Variants in CACNA1C observed in about 807,000 individuals in gnomAD.
CACNA1C encodes the protein calcium voltage-gated channel subunit alpha1 C, also known as voltage-dependent L-type calcium channel subunit alpha-1C.
Under a neutral mutation model 229.0 loss-of-function variants are expected in CACNA1C, and 30 were observed. The observed-to-expected ratio is 0.13, with a 90% CI of 0.10 to 0.18. CACNA1C has a LOEUF of 0.18. CACNA1C is among the 10% of genes least tolerant of loss of function. The pLI is 1.00. For missense variants in CACNA1C, 1,658 were observed against 2,845.0 expected (o/e 0.58, Z 9.49); for synonymous variants, 1,114 against 1,132.5 (o/e 0.98, Z 0.33).
At chr12:2,547,493 T>G (rs1409930540) in intron 9 of CACNA1C, 1 of 779,778 alleles carries the variant, frequency 1.3e-6, no homozygotes, top group East Asian at 2.4e-5. Flanking sequence ...AAGGGAAGTT[T>G]GCTTGGTTTA....
intron 43 of CACNA1C, among the ~76,000 whole-genome samples, chr12:2,685,174 G>C (rs2097383795): frequency 6.6e-6 from 1 of 152,000 alleles, no homozygotes; most frequent in Admixed American, 6.6e-5. Context: ...TTCTCATCGA[G>C]TTTCCATCAA....
chr12:2,161,671 G>C (rs2095863186), intron 3 of CACNA1C, among the ~76,000 whole-genome samples: 1 of 152,240 alleles, frequency 6.6e-6, no homozygotes, highest in African/African-American at 2.4e-5. Flanking sequence ...CAGCCAAACT[G>C]ACGGTGCTGT....
At position 2,694,275 on chromosome 12, in the gene CACNA1C, C is replaced by A. The variant is rs2097819889; in HGVS notation, c.*3076C>A. 6.6e-6 allele frequency: 1 copy of A among 152,268 alleles called. No homozygotes were observed. Among genetic ancestry groups the A allele is most frequent in the Non-Finnish European group, 1.5e-5 (1 of 68,060 alleles). The allele number at this position is 152,268 out of a possible 1,614,324, so 9.4% of individuals were successfully genotyped here. A position where few individuals can be genotyped will look rare whatever the true frequency, so the allele number is the denominator to read the frequency against. The stretch of plus-strand genomic sequence containing the variant: ...AGCACAATCTTCCAAGTGATGTCTA[C>A]TCTCCACCTAAAATGGAATTTTCCC... On this transcript the variant is annotated 3_prime_UTR_variant, in exon 47 of 47. Coordinates refer to ENST00000399655, the MANE Select transcript of CACNA1C (RefSeq NM_000719.7).
At chr12:2,014,783 T>A (rs192055743) in intron 1 of CACNA1C, among the ~76,000 whole-genome samples, 95 of 152,304 alleles carry the variant, frequency 6.2e-4, no homozygotes, top group African/African-American at 2.2e-3. Flanking sequence ...ACTTTTCTGG[T>A]TGGCTTGAGC....
upstream of CACNA1C, among the ~76,000 whole-genome samples, chr12:2,049,850 G>C (rs552630970): frequency 3.3e-5 from 5 of 152,268 alleles, no homozygotes; most frequent in South Asian, 8.3e-4. Flanking sequence ...TTGTTACCTC[G>C]AAAGAGCACA....
At chr12:2,052,894 C>T (rs946827049), upstream of CACNA1C, 116 of 661,814 alleles carry the variant, frequency 1.8e-4, 1 homozygote, top group African/African-American at 2.7e-3. Flanking sequence ...TCCGGCGCGC[C>T]GGGCGGGCGG....
At chr12:2,420,102 G>GGTGTGTGCGTGTGTGT (rs1555546910) in intron 3 of CACNA1C, among the ~76,000 whole-genome samples, 1 of 125,430 alleles carries the variant, frequency 8.0e-6, no homozygotes, top group African/African-American at 3.5e-5. Flanking sequence ...TAGGCAAAAT[G>GGTGTGTGCGTGTGTGT]GTGTGTGTGT....
At chr12:2,140,360 A>C (rs1409077670) in intron 3 of CACNA1C, among the ~76,000 whole-genome samples, 2 of 151,494 alleles carry the variant, frequency 1.3e-5, no homozygotes, top group African/African-American at 2.4e-5. Context: ...GTCTGTTCTT[A>C]ACACAGTTCC....
intron 3 of CACNA1C, among the ~76,000 whole-genome samples, chr12:2,279,511 A>C (rs1380752507): frequency 1.3e-5 from 2 of 152,244 alleles, no homozygotes; most frequent in East Asian, 3.8e-4. Context: ...AGGTGCATGA[A>C]CATTTAGGAT....
At chr12:2,659,428 C>T (rs140086762) in intron 34 of CACNA1C, among the ~76,000 whole-genome samples, 88 of 152,276 alleles carry the variant, frequency 5.8e-4, no homozygotes, top group African/African-American at 1.8e-3. Context: ...GTAATAGCTA[C>T]GGCATCTAGG....
intron 3 of CACNA1C, among the ~76,000 whole-genome samples, chr12:2,394,034 G>A (rs1379704173): frequency 1.3e-5 from 2 of 152,010 alleles, no homozygotes; most frequent in East Asian, 1.9e-4. Context: ...GAGCCTAGGA[G>A]GTCGAGGCTG....
At chr12:2,426,207 T>C (rs531291695) in intron 3 of CACNA1C, among the ~76,000 whole-genome samples, 3 of 152,228 alleles carry the variant, frequency 2.0e-5, no homozygotes, top group Admixed American at 6.5e-5. Context: ...AAATACTGGG[T>C]TAAAAACTGG....
intron 3 of CACNA1C, among the ~76,000 whole-genome samples, chr12:2,394,440 C>T (rs1196460119): frequency 2.0e-5 from 3 of 152,254 alleles, no homozygotes; most frequent in Admixed American, 6.5e-5. Context: ...CCACCTTCCC[C>T]TGCAAGTATA....
chr12:2,053,322 A>G lies in CACNA1C; in HGVS notation c.-241A>G. 1.6e-6 allele frequency: 2 copies of G among 1,265,478 alleles called. No individual in the cohort carries two copies. The highest frequency in any genetic ancestry group is 2.4e-5 in the South Asian group (1 of 41,048). 78.4% of individuals were successfully genotyped at this position (1,265,478 alleles called of 1,614,324 possible). ...TGGAAGGGGCCCGGATGTACTGAGG[A>G]TGCGTTACAGTTTCACTCGAGGAGG... On this transcript the variant is annotated 5_prime_UTR_variant, in exon 1 of 47. The change abolishes an upstream ATG in the 5' untranslated region. Coordinates refer to ENST00000399655, the MANE Select transcript of CACNA1C (RefSeq NM_000719.7). This position sits in a 1 kb window ranked among gnomAD's most constrained non-coding sequence, Gnocchi z 5.8.
At chr12:2,664,443 GA>G (rs2095957587) in intron 34 of CACNA1C, among the ~76,000 whole-genome samples, 1 of 152,236 alleles carries the variant, frequency 6.6e-6, no homozygotes, top group African/African-American at 2.4e-5. Context: ...AAGAAAAAAT[GA>G]AAAACCTAAA....
intron 3 of CACNA1C, among the ~76,000 whole-genome samples, chr12:2,332,119 A>G (rs961810231): frequency 6.6e-6 from 1 of 152,252 alleles, no homozygotes; most frequent in African/African-American, 2.4e-5. Flanking sequence ...GTATTTAGGC[A>G]TAAAGGACAT....
At chr12:2,593,399 GC>G in intron 19 of CACNA1C, 54 bp downstream of exon 19, 2 of 1,593,310 alleles carry the variant, frequency 1.3e-6, no homozygotes, top group Non-Finnish European at 1.7e-6. Context: ...TACCAGCCTG[GC>G]AGTTGCCTGT....
At chr12:2,482,091 C>G (rs1340118702) in intron 5 of CACNA1C, among the ~76,000 whole-genome samples, 2 of 152,250 alleles carry the variant, frequency 1.3e-5, no homozygotes, top group Non-Finnish European at 2.9e-5. Flanking sequence ...GAGAGCCAAA[C>G]TCTACATGGC....
intron 1 of CACNA1C, among the ~76,000 whole-genome samples, chr12:1,980,297 C>T (rs1210750469): frequency 1.3e-5 from 2 of 152,172 alleles, no homozygotes; most frequent in African/African-American, 4.8e-5. Flanking sequence ...CAAGAAACTA[C>T]GGCTACATGC....
Sources: allele counts gnomAD v4.1 joint callset (sites outside exome capture counted in the v4.1 genomes callset), GRCh38; gene constraint gnomAD v4.1.1; non-coding constraint Gnocchi (gnomAD v3.1); transcripts MANE v1.5; gene names NCBI Gene and HGNC (gene_info 2026-07-23, HGNC 2026-07-21).